The following RPTOR variants were observed in gnomAD, a reference collection of about 807,000 sequenced individuals.
The protein encoded by RPTOR is regulatory associated protein of MTOR complex 1, also known as regulatory-associated protein of mTOR.
RPTOR carries 21 observed loss-of-function variants against 169.9 expected under a neutral mutation model. The ratio of observed to expected loss-of-function variants is 0.12; its 90% confidence interval spans 0.09 to 0.18. The LOEUF is 0.18. RPTOR is among the 10% of genes least tolerant of loss of function. RPTOR has a pLI of 1.00. For missense variants in RPTOR, 1,133 were observed against 1,855.9 expected, an observed-to-expected ratio of 0.61 and a Z score of 7.16; for synonymous variants, 732 against 753.2, an observed-to-expected ratio of 0.97 and a Z score of 0.46.
intron 12 of RPTOR, among the ~76,000 whole-genome samples, chr17:80,857,419 C>T (rs1215537717): frequency 2.6e-5 from 4 of 152,210 alleles, no homozygotes; most frequent in Admixed American, 2.0e-4. Context: ...CACAGGTGGC[C>T]GTGGCTCGTA....
At chr17:80,698,190 G>T (rs2066053201) in intron 3 of RPTOR, among the ~76,000 whole-genome samples, 1 of 152,168 alleles carries the variant, frequency 6.6e-6, no homozygotes. Context: ...CACAGAGGAG[G>T]ATGGGCCAGA....
At position 80,746,162 on chromosome 17, in the gene RPTOR, CAA is replaced by C. The variant is rs34830902; in HGVS notation, c.655-7833_655-7832del. 5.9e-4 allele frequency among the ~76,000 whole-genome samples: 53 copies of C among 90,368 alleles called. 5 individuals carry two copies. Among genetic ancestry groups the C allele is most frequent in the Admixed American group, 4.0e-3 (43 of 10,716 alleles). The allele number at this position is 90,368 out of a possible 152,430, so 59.3% of individuals were successfully genotyped here. A position where few individuals can be genotyped will look rare whatever the true frequency, so the allele number is the denominator to read the frequency against. ...GGGTGACAAGAGCAAACCTCCATCT[CAA>C]AAAAAAAAAAAAAAGTGCAGTGCAG... On this transcript the variant is annotated intron_variant, in intron 5 of 33. Coordinates refer to ENST00000306801, the MANE Select transcript of RPTOR (RefSeq NM_020761.3). The surrounding 1 kb of genome is among the most constrained non-coding windows in gnomAD (Gnocchi z 4.5).
chr17:80,891,667 A>G (rs2068325553), intron 17 of RPTOR, 53 bp from the exon 18 acceptor site: 1 of 1,245,772 alleles, frequency 8.0e-7, no homozygotes, highest in South Asian at 1.2e-5. Flanking sequence ...CTGCTGCTCC[A>G]CAATCATTTT....
Position 80,730,758 on chromosome 17 carries a change from T to TTTTTTTTTTGCGG in RPTOR, c.654+52_654+53insTTTTTTTTTGCGG. On this transcript the variant is annotated intron_variant, in intron 5 of 33. Transcript: ENST00000306801. This position sits in a 1 kb window ranked among gnomAD's most constrained non-coding sequence, Gnocchi z 4.2. ...GTGCTGGGTTTGGTTTTGTTTTCCCTGGGGGTGGGGTTTGGGTGGGGAGGT... is the reference window on the plus strand; with the variant it reads ...GTGCTGGGTTTGGTTTTGTTTTCCCTTTTTTTTTTGCGGGGGGGTGGGGTTTGGGTGGGGAGGT... 1 of 467,250 alleles carries TTTTTTTTTTGCGG rather than the reference T, an allele frequency of 2.1e-6. No individual in the cohort carries two copies. The highest frequency in any genetic ancestry group is 3.9e-6 in the Non-Finnish European group (1 of 254,698). The allele number at this position is 467,250 out of a possible 1,614,324, so 28.9% of individuals were successfully genotyped here. A position where few individuals can be genotyped will look rare whatever the true frequency, so the allele number is the denominator to read the frequency against.
chr17:80,744,475 TTACTAGCACAGC>T (rs1567888762), intron 5 of RPTOR, among the ~76,000 whole-genome samples: 4 of 19,052 alleles, frequency 2.1e-4, no homozygotes, highest in East Asian at 2.7e-3. Flanking sequence ...ACAGCCCTGG[TTACTAGCACAGC>T]CCTGGCTACT....
Position 80,883,493 on chromosome 17 carries a change from C to T in RPTOR, c.1650+9C>T. On this transcript the variant is annotated intron_variant, in intron 15 of 33. Coordinates refer to ENST00000306801, the MANE Select transcript of RPTOR (RefSeq NM_020761.3). ...GCTATCACACGGGGCAGGTGAGCCC[C>T]CCAGCCACCCCCAGCCCCAGAGCTC... 1.2e-6 allele frequency: 2 copies of T among 1,613,128 alleles called. No individual in the cohort carries two copies. The highest frequency in any genetic ancestry group is 1.7e-6 in the Non-Finnish European group (2 of 1,179,250).
chr17:80,844,666 C>A lies in RPTOR; in HGVS notation c.1213-1807C>A, dbSNP rs779587067. Among the ~76,000 whole-genome samples, 1 of 152,218 alleles carries A rather than the reference C, an allele frequency of 6.6e-6. No individual in the cohort carries two copies. Among genetic ancestry groups the A allele is most frequent in the South Asian group, 2.1e-4 (1 of 4,834 alleles). The stretch of plus-strand genomic sequence containing the variant: ...CGGATTCCTACGTGGTGAATGTTCT[C>A]GGCTGACTTTTTAAGTCGGGCCACG... On this transcript the variant is annotated intron_variant, in intron 10 of 33. Coordinates refer to ENST00000306801, the MANE Select transcript of RPTOR (RefSeq NM_020761.3). This position sits in a 1 kb window ranked among gnomAD's most constrained non-coding sequence, Gnocchi z 4.7.
intron 4 of RPTOR, among the ~76,000 whole-genome samples, chr17:80,724,614 T>A (rs1372534306): frequency 3.9e-5 from 6 of 152,126 alleles, no homozygotes; most frequent in Non-Finnish European, 7.4e-5. Flanking sequence ...GGTTCTCCCA[T>A]CCCAACAGTG....
intron 1 of RPTOR, among the ~76,000 whole-genome samples, chr17:80,553,540 A>G (rs1234273342): frequency 1.3e-5 from 2 of 152,224 alleles, no homozygotes; most frequent in Non-Finnish European, 2.9e-5. Context: ...GGTGAGATCC[A>G]TAGTGATATT....
At chr17:80,634,127 TGTGTGCATACTGTGTGC>T (rs1224899780) in intron 2 of RPTOR, among the ~76,000 whole-genome samples, 256 of 151,742 alleles carry the variant, frequency 1.7e-3, no homozygotes, top group Non-Finnish European at 2.5e-3. Flanking sequence ...ACTGTGTGTG[TGTGTGCATACTGTGTGC>T]GTGTGCGTAC....
At position 80,947,343 on chromosome 17, in the gene RPTOR, C is replaced by T. The variant is rs2144058184; in HGVS notation, c.3257C>T (p.Thr1086Met). 6 of 1,569,848 alleles carry T rather than the reference C, an allele frequency of 3.8e-6. No homozygotes were observed. Among genetic ancestry groups the T allele is most frequent in the South Asian group, 3.6e-5 (3 of 84,494 alleles). Residue 1086 changes from threonine (T) to methionine (M), a missense_variant, in exon 27 of 34, where the codon ACG becomes ATG. Coordinates refer to ENST00000306801, the MANE Select transcript of RPTOR (RefSeq NM_020761.3). This position sits in a 1 kb window ranked among gnomAD's most constrained non-coding sequence, Gnocchi z 4.4. ...GGCCAGGACTGCTCGCTTCTGCTGA[C>T]GGCCACAGGTGAGCGGGGTTTGCAC... is the stretch of plus-strand genomic sequence containing the variant. ...LNGQDCSLLL[T>M]ATDDGAIRVW...
intron 26 of RPTOR, among the ~76,000 whole-genome samples, chr17:80,946,967 C>A (rs73357867): frequency 0.017 from 2,540 of 152,316 alleles, 71 homozygotes; most frequent in African/African-American, 0.058. Context: ...ACATCCTTGC[C>A]AGCACTATTA....
chr17:80,604,130 A>G (rs1034462598), intron 1 of RPTOR, among the ~76,000 whole-genome samples: 1 of 152,194 alleles, frequency 6.6e-6, no homozygotes, highest in Non-Finnish European at 1.5e-5. Flanking sequence ...AAAACCTGAA[A>G]ACAAGCGAAT....
intron 1 of RPTOR, among the ~76,000 whole-genome samples, chr17:80,581,633 G>A (rs896875783): frequency 1.3e-5 from 2 of 149,242 alleles, no homozygotes; most frequent in South Asian, 2.1e-4. Flanking sequence ...ACCGCACATC[G>A]GGCCAGTGCA....
At chr17:80,748,741 G>A (rs376059382) in intron 5 of RPTOR, among the ~76,000 whole-genome samples, 41 of 47,546 alleles carry the variant, frequency 8.6e-4, no homozygotes, top group South Asian at 1.2e-3. Context: ...GTGTGTGTTT[G>A]GAGGCCGTGG....
At position 80,949,540 on chromosome 17, in the gene RPTOR, G is replaced by A. The variant is rs764973913; in HGVS notation, c.3363G>A (p.Thr1121=). The change falls in exon 28 of 34, where the codon ACG becomes ACA. Residue 1121 remains threonine, a synonymous_variant. Transcript: ENST00000306801. ...AWQGLSDMLP[T]TRGAGMVVDW... ...AGGGGCTCTCGGACATGCTGCCAAC[G>A]ACGCGAGGTGGGTCCGCCCGGCTCC... 41 of 1,613,546 alleles carry A rather than the reference G, an allele frequency of 2.5e-5. No homozygotes were observed. The highest frequency in any genetic ancestry group is 3.2e-5 in the Non-Finnish European group (38 of 1,179,896).
chr17:80,666,076 C>T lies in RPTOR; in HGVS notation c.348+22266C>T, dbSNP rs184368505. Among the ~76,000 whole-genome samples the T allele has an allele frequency of 1.1e-3, 166 of 152,112 alleles. 1 individual carries two copies. Among genetic ancestry groups the T allele is most frequent in the African/African-American group, 3.9e-3 (160 of 41,476 alleles). On this transcript the variant is annotated intron_variant, in intron 3 of 33. Coordinates refer to ENST00000306801, the MANE Select transcript of RPTOR (RefSeq NM_020761.3). ...CAAACGTTTTATTTTTAGTGACTGT[C>T]CCTCAAAGAGCTATACTTTCGATGC...
intron 7 of RPTOR, among the ~76,000 whole-genome samples, chr17:80,813,426 C>T (rs141741130): frequency 1.2e-3 from 182 of 152,242 alleles, no homozygotes; most frequent in African/African-American, 4.2e-3. Flanking sequence ...TTACAATGAC[C>T]GACATGTGTG....
At chr17:80,812,877 G>C (rs1054240067) in intron 7 of RPTOR, among the ~76,000 whole-genome samples, 2 of 152,216 alleles carry the variant, frequency 1.3e-5, no homozygotes, top group African/African-American at 4.8e-5. Flanking sequence ...TTGGAATCTG[G>C]TGGGCTCAGC....
Sources: allele counts gnomAD v4.1 joint callset (sites outside exome capture counted in the v4.1 genomes callset), GRCh38; gene constraint gnomAD v4.1.1; non-coding constraint Gnocchi (gnomAD v3.1); transcripts MANE v1.5; gene names NCBI Gene and HGNC (gene_info 2026-07-23, HGNC 2026-07-21).